ZNF292: variants seen among roughly 807,000 people sequenced by gnomAD.
The protein encoded by ZNF292 is zinc finger protein 292.
A neutral mutation model predicts 217.9 loss-of-function variants in ZNF292; 26 were observed. The observed-to-expected ratio is 0.12, with a 90% CI of 0.09 to 0.17. The LOEUF (loss-of-function observed/expected upper bound fraction) is 0.17. Ranked by LOEUF, ZNF292 falls within the 10% of genes least tolerant of loss-of-function variation. The pLI, the probability that ZNF292 is intolerant of heterozygous loss-of-function variation, is 1.00. For synonymous variants in ZNF292, 1,257 were observed against 1,124.1 expected (o/e 1.12, Z -2.37); for missense variants, 2,904 against 3,175.2 (o/e 0.91, Z 2.05).
At chr6:87,165,470 A>G (rs1401596575) in intron 1 of ZNF292, among the ~76,000 whole-genome samples, 1 of 152,216 alleles carries the variant, frequency 6.6e-6, no homozygotes, top group Non-Finnish European at 1.5e-5. Context: ...TTCACCATTT[A>G]GTTGTCACAC....
chr6:87,256,052 C>G lies in ZNF292; in HGVS notation c.2423C>G (p.Thr808Ser), dbSNP rs1300801744. The G allele has an allele frequency of 1.2e-6, 2 of 1,610,594 alleles. No homozygotes were observed. Among genetic ancestry groups the G allele is most frequent in the Admixed American group, 3.4e-5 (2 of 59,384 alleles). The change falls in exon 8 of 8, where the codon ACT (threonine) becomes AGT (serine). Residue 808 changes from threonine to serine, a missense_variant. By Grantham distance (58) the Thr-to-Ser change is moderately conservative. Around this residue, in one of 15 missense-constraint regions of ZNF292, gnomAD observed 216 missense variants for 308.3 expected, o/e 0.70. Coordinates refer to ENST00000369577, the MANE Select transcript of ZNF292 (RefSeq NM_015021.3). ...DHEAQHYNTYTCKFTGCGKVY... is the reference protein window; with the variant it reads ...DHEAQHYNTYSCKFTGCGKVY... The stretch of plus-strand genomic sequence containing the variant: ...GAAGCACAACATTATAATACGTACA[C>G]TTGTAAGTTCACAGGTTGTGGTAAA...
At chr6:87,247,292 C>T (rs1044343529) in intron 7 of ZNF292, among the ~76,000 whole-genome samples, 1 of 97,720 alleles carries the variant, frequency 1.0e-5, no homozygotes, top group Non-Finnish European at 1.9e-5. Context: ...TGCGCACGCA[C>T]GTGCATGCAT....
chr6:87,201,283 A>T (rs116992405), intron 1 of ZNF292, among the ~76,000 whole-genome samples: 1 of 152,202 alleles, frequency 6.6e-6, no homozygotes, highest in East Asian at 1.9e-4. Flanking sequence ...TTTTAATTCT[A>T]TTGTATCTGC....
intron 1 of ZNF292, chr6:87,169,836 C>A: frequency 3.6e-6 from 1 of 280,560 alleles, no homozygotes; most frequent in Non-Finnish European, 7.4e-6. Flanking sequence ...TTAGTGGAGA[C>A]AGGGTTTTGC....
At chr6:87,170,040 T>C (rs1300937843) in intron 1 of ZNF292, 1 of 152,376 alleles carries the variant, frequency 6.6e-6, no homozygotes, top group East Asian at 1.9e-4. Context: ...TTTTTGCAAA[T>C]ATGATAGATT....
At chr6:87,164,112 C>A (rs552851646) in intron 1 of ZNF292, among the ~76,000 whole-genome samples, 247 of 152,258 alleles carry the variant, frequency 1.6e-3, no homozygotes, top group Middle Eastern at 6.8e-3. Context: ...TTTAAAAGAA[C>A]AGCCATTTTT....
chr6:87,171,553 A>G (rs764312356), intron 1 of ZNF292, among the ~76,000 whole-genome samples: 11 of 152,188 alleles, frequency 7.2e-5, no homozygotes, highest in Admixed American at 2.0e-4. Flanking sequence ...TAATACTTTT[A>G]AGAGGAGTAG....
At chr6:87,233,701 A>G in intron 5 of ZNF292, 174 bp downstream of exon 5, 2 of 934,748 alleles carry the variant, frequency 2.1e-6, no homozygotes, top group Non-Finnish European at 2.6e-6. Flanking sequence ...TTAGAATTAT[A>G]TGTAAACTGA....
At chr6:87,168,929 C>G (rs924120597) in intron 1 of ZNF292, among the ~76,000 whole-genome samples, 1 of 152,172 alleles carries the variant, frequency 6.6e-6, no homozygotes, top group Non-Finnish European at 1.5e-5. Flanking sequence ...TGCATATAAC[C>G]TAGCACATCC....
At chr6:87,222,927 G>T (rs1410953119) in intron 4 of ZNF292, 1 of 413,940 alleles carries the variant, frequency 2.4e-6, no homozygotes, top group African/African-American at 2.0e-5. Context: ...ATTGAGATTT[G>T]TCTGATGTTG....
intron 1 of ZNF292, among the ~76,000 whole-genome samples, chr6:87,204,174 A>G (rs1562138120): frequency 6.6e-6 from 1 of 152,248 alleles, no homozygotes; most frequent in Non-Finnish European, 1.5e-5. Flanking sequence ...AGAGTCTTTC[A>G]AGTGTTACTT....
chr6:87,155,982 G>A (rs1770517596), intron 1 of ZNF292, among the ~76,000 whole-genome samples: 1 of 152,232 alleles, frequency 6.6e-6, no homozygotes, highest in Non-Finnish European at 1.5e-5. Context: ...CGGTCAAGGC[G>A]GAAAATCCCC....
chr6:87,162,311 A>G (rs1473493188), intron 1 of ZNF292, among the ~76,000 whole-genome samples: 2 of 152,198 alleles, frequency 1.3e-5, no homozygotes. Flanking sequence ...TGTATATTTT[A>G]TGTCTCATCA....
At chr6:87,209,798 T>A (rs917975099) in intron 1 of ZNF292, among the ~76,000 whole-genome samples, 4 of 152,228 alleles carry the variant, frequency 2.6e-5, no homozygotes, top group African/African-American at 9.6e-5. Context: ...TCAGTTTTTG[T>A]TTTGAATATG....
chr6:87,222,743 T>C (rs1203710076), intron 4 of ZNF292: 2 of 446,982 alleles, frequency 4.5e-6, no homozygotes, highest in Non-Finnish European at 9.0e-6. Context: ...TCCTTAGTTT[T>C]TACCTAATGT....
rs148390993 is a variant in ZNF292, at chr6:87,188,707, C to T, written c.169-27196C>T. ...TTTCTGCATTGTATTAATATATAGC[C>T]AGCCGTAGTAATTTTTTTTTATTAA... On this transcript the variant is annotated intron_variant, in intron 1 of 7. Transcript: ENST00000369577. Among the ~76,000 whole-genome samples, 1,429 of 148,506 alleles carry T rather than the reference C, an allele frequency of 9.6e-3. 19 individuals carry two copies. Among genetic ancestry groups the T allele is most frequent in the African/African-American group, 0.033 (1,346 of 40,386 alleles).
At chr6:87,161,311 G>A (rs912964926) in intron 1 of ZNF292, among the ~76,000 whole-genome samples, 3 of 152,216 alleles carry the variant, frequency 2.0e-5, no homozygotes, top group Admixed American at 2.0e-4. Flanking sequence ...GGAGATAAAA[G>A]ATACGGGCAA....
rs1484741666 is a variant in ZNF292, at chr6:87,256,195, G to A, written c.2566G>A (p.Glu856Lys). The change falls in exon 8 of 8, where the codon GAA (glutamate) becomes AAA (lysine). Residue 856 changes from glutamate (E) to lysine (K), a missense_variant. Physicochemically the swap from Glu to Lys is moderately conservative, Grantham distance 56. Around this residue, in one of 15 missense-constraint regions of ZNF292, gnomAD observed 687 missense variants for 623.0 expected, o/e 1.10. Coordinates refer to ENST00000369577, the MANE Select transcript of ZNF292 (RefSeq NM_015021.3). ...NSSGDSIQPSEVNQNTAENIE... is the reference protein window; with the variant it reads ...NSSGDSIQPSKVNQNTAENIE... The stretch of plus-strand genomic sequence containing the variant: ...ATCTGGAGATTCCATTCAGCCTTCT[G>A]AAGTGAATCAGAACACAGCAGAGAA... The A allele has an allele frequency of 1.2e-6, 2 of 1,613,824 alleles. No homozygotes were observed. Among genetic ancestry groups the A allele is most frequent in the African/African-American group, 1.3e-5 (1 of 75,044 alleles).
chr6:87,165,857 A>C (rs895746049), intron 1 of ZNF292, among the ~76,000 whole-genome samples: 2 of 147,884 alleles, frequency 1.4e-5, no homozygotes, highest in Admixed American at 6.9e-5. Context: ...CTCCAGGTTT[A>C]AGCGATTCTC....
Sources: allele counts gnomAD v4.1 joint callset (sites outside exome capture counted in the v4.1 genomes callset), GRCh38; gene constraint gnomAD v4.1.1; regional missense constraint gnomAD v4.1.1; transcripts MANE v1.5; gene names NCBI Gene and HGNC (gene_info 2026-07-23, HGNC 2026-07-21).